GRIK1: variants seen among roughly 807,000 people sequenced by gnomAD.
GRIK1 encodes glutamate receptor ionotropic, kainate 1.
Under a neutral mutation model 105.7 loss-of-function variants are expected in GRIK1, and 69 were observed. That is an observed-to-expected ratio of 0.65 (90% CI 0.54 to 0.80). The LOEUF is 0.80. Among genes scored for constraint, GRIK1 ranks in the 30% least tolerant of loss-of-function variants. The pLI, the probability that GRIK1 is intolerant of heterozygous loss-of-function variation, is 0.00. For missense variants in GRIK1, 1,109 were observed against 1,167.3 expected, an observed-to-expected ratio of 0.95 and a Z score of 0.73; for synonymous variants, 438 against 431.3, an observed-to-expected ratio of 1.02 and a Z score of -0.19.
chr21:29,586,283 A>G (rs1176741474), intron 12 of GRIK1, among the ~76,000 whole-genome samples: 1 of 152,226 alleles, frequency 6.6e-6, no homozygotes, highest in Non-Finnish European at 1.5e-5. Flanking sequence ...AAATACCCAC[A>G]TGTGAGAGCA....
intron 1 of GRIK1, among the ~76,000 whole-genome samples, chr21:29,721,631 G>A (rs1348336695): frequency 1.3e-5 from 2 of 151,962 alleles, no homozygotes; most frequent in Non-Finnish European, 2.9e-5. Flanking sequence ...AGAAGAAGAG[G>A]TAGGAAATAG....
rs764113003 is a variant in GRIK1 at position 29,553,524 on chromosome 21, G to A, written c.2607+1528C>T. 2.0e-6 allele frequency: 3 copies of A among 1,507,208 alleles called. No individual in the cohort carries two copies. The South Asian group carries it at 4.1e-5, about 20-fold the overall frequency. 93.4% of individuals were successfully genotyped at this position (1,507,208 alleles called of 1,614,324 possible). On this transcript the variant is annotated intron_variant, in intron 16 of 17. Coordinates refer to ENST00000327783, the MANE Select transcript of GRIK1 (RefSeq NM_001330994.2). ...CCAATTAGCAAAAACATTTTCTACT[G>A]GGCACATCTTTTTTTTTTTTTTTAA...
At chr21:29,915,902 C>T (rs2070978947) in intron 1 of GRIK1, among the ~76,000 whole-genome samples, 1 of 151,970 alleles carries the variant, frequency 6.6e-6, no homozygotes, top group Non-Finnish European at 1.5e-5. Flanking sequence ...AACATTCTAG[C>T]ATGTCTTACT....
At chr21:29,711,370 A>G (rs1325912612) in intron 1 of GRIK1, among the ~76,000 whole-genome samples, 1 of 152,192 alleles carries the variant, frequency 6.6e-6, no homozygotes, top group African/African-American at 2.4e-5. Flanking sequence ...AGGCTATACC[A>G]TATAGCCTAC....
chr21:29,546,955 T>C (rs1160526418), intron 16 of GRIK1, among the ~76,000 whole-genome samples: 1 of 152,220 alleles, frequency 6.6e-6, no homozygotes, highest in Non-Finnish European at 1.5e-5. Flanking sequence ...TCTTTATTTC[T>C]CCTTGTCTGT....
At chr21:29,711,959 A>C (rs1399324796) in intron 1 of GRIK1, among the ~76,000 whole-genome samples, 2 of 151,960 alleles carry the variant, frequency 1.3e-5, no homozygotes, top group Non-Finnish European at 2.9e-5. Flanking sequence ...AATCATCTAC[A>C]ATTCTAGTAC....
At chr21:29,926,089 C>A (rs577175209) in intron 1 of GRIK1, among the ~76,000 whole-genome samples, 7 of 121,588 alleles carry the variant, frequency 5.8e-5, no homozygotes. Context: ...TCAGAAATAC[C>A]TAGATCATAA....
At chr21:29,799,504 G>C (rs1223002866) in intron 1 of GRIK1, among the ~76,000 whole-genome samples, 1 of 151,874 alleles carries the variant, frequency 6.6e-6, no homozygotes, top group Non-Finnish European at 1.5e-5. Flanking sequence ...GTTTTTGTTT[G>C]TTTGTTTGTT....
At chr21:29,756,837 G>C (rs1365984218) in intron 1 of GRIK1, among the ~76,000 whole-genome samples, 1 of 152,128 alleles carries the variant, frequency 6.6e-6, no homozygotes, top group East Asian at 1.9e-4. Flanking sequence ...CCAGTGGCCG[G>C]GCGCGGTGGC....
intron 1 of GRIK1, among the ~76,000 whole-genome samples, chr21:29,889,119 A>T (rs1343724142): frequency 6.6e-6 from 1 of 152,178 alleles, no homozygotes; most frequent in Non-Finnish European, 1.5e-5. Context: ...AAGTAGGTCA[A>T]CTCTTTAAAA....
intron 1 of GRIK1, among the ~76,000 whole-genome samples, chr21:29,780,929 T>A (rs1039736480): frequency 2.0e-5 from 3 of 152,162 alleles, no homozygotes; most frequent in Non-Finnish European, 1.5e-5. Context: ...GGATGATTTA[T>A]TTCCACCCAC....
intron 1 of GRIK1, among the ~76,000 whole-genome samples, chr21:29,718,670 G>A (rs2064239030): frequency 6.6e-6 from 1 of 152,210 alleles, no homozygotes; most frequent in African/African-American, 2.4e-5. Context: ...AGCTTGGAAA[G>A]CGGCAGGTGC....
chr21:29,627,350 C>A (rs768457456), intron 7 of GRIK1, among the ~76,000 whole-genome samples: 1 of 152,114 alleles, frequency 6.6e-6, no homozygotes, highest in Admixed American at 6.6e-5. Flanking sequence ...AGCAGCACTT[C>A]CAAAAGTTAC....
chr21:29,576,639 A>T (rs556066651), intron 14 of GRIK1, among the ~76,000 whole-genome samples: 2 of 152,256 alleles, frequency 1.3e-5, no homozygotes, highest in Admixed American at 6.5e-5. Context: ...GTGATTAATT[A>T]ATGAGTGGTT....
chr21:29,911,427 A>G (rs1263731556), intron 1 of GRIK1, among the ~76,000 whole-genome samples: 1 of 152,086 alleles, frequency 6.6e-6, no homozygotes, highest in Admixed American at 6.6e-5. Context: ...TGGTGACACT[A>G]TGCAGCCACG....
At chr21:29,876,509 A>AT (rs1303343438) in intron 1 of GRIK1, among the ~76,000 whole-genome samples, 2 of 151,908 alleles carry the variant, frequency 1.3e-5, no homozygotes, top group African/African-American at 4.8e-5. Flanking sequence ...CATTTTATTC[A>AT]TTTTTTTGCA....
At chr21:29,876,265 A>G (rs182892403) in intron 1 of GRIK1, among the ~76,000 whole-genome samples, 116 of 152,272 alleles carry the variant, frequency 7.6e-4, no homozygotes, top group African/African-American at 2.4e-3. Flanking sequence ...GCCATTTCAT[A>G]ACAGCTTATT....
chr21:29,883,497 G>T lies in GRIK1; in HGVS notation c.118+55886C>A, dbSNP rs563730692. ...GAGAGTTCTTAATATCAGCCTCTGA[G>T]GTCCCCTGTTTGCCACAAAGCAAGT... On this transcript the variant is annotated intron_variant, in intron 1 of 17. Coordinates refer to ENST00000327783, the MANE Select transcript of GRIK1 (RefSeq NM_001330994.2). Among the ~76,000 whole-genome samples the T allele has an allele frequency of 1.2e-4, 19 of 152,044 alleles. No homozygotes were observed. In the South Asian group the frequency reaches 3.9e-3, roughly 32 times the overall value.
intron 1 of GRIK1, among the ~76,000 whole-genome samples, chr21:29,725,099 T>A (rs1202783312): frequency 6.6e-6 from 1 of 151,298 alleles, no homozygotes; most frequent in African/African-American, 2.4e-5. Flanking sequence ...CAGTCAACGC[T>A]CCCTCCAGCT....
Sources: allele counts gnomAD v4.1 joint callset (sites outside exome capture counted in the v4.1 genomes callset), GRCh38; gene constraint gnomAD v4.1.1; transcripts MANE v1.5; gene names NCBI Gene and HGNC (gene_info 2026-07-23, HGNC 2026-07-21).